The following ADK variants were observed in gnomAD, a reference collection of about 807,000 sequenced individuals.
The protein encoded by ADK is N6,N6-dimethyladenosine kinase.
Under a neutral mutation model 44.7 loss-of-function variants are expected in ADK, and 24 were observed. That is an observed-to-expected ratio of 0.54 (90% CI 0.39 to 0.76). The LOEUF is 0.76. ADK is among the 30% of genes least tolerant of loss of function. The pLI, the probability that ADK is intolerant of heterozygous loss-of-function variation, is 0.00. For synonymous variants in ADK, 128 were observed against 142.6 expected (o/e 0.90, Z 0.73); for missense variants, 321 against 425.1 (o/e 0.76, Z 2.15).
chr10:74,247,821 T>C (rs1276653104), intron 3 of ADK, among the ~76,000 whole-genome samples: 1 of 152,162 alleles, frequency 6.6e-6, no homozygotes, highest in Non-Finnish European at 1.5e-5. Context: ...TTACTGTCTT[T>C]TTTCCTTTTT....
At chr10:74,565,903 T>G (rs1476822676) in intron 7 of ADK, among the ~76,000 whole-genome samples, 4 of 152,128 alleles carry the variant, frequency 2.6e-5, no homozygotes, top group Non-Finnish European at 5.9e-5. Flanking sequence ...GACAAAATTG[T>G]TATCTTGAGA....
chr10:74,353,316 C>A (rs1227637663), intron 4 of ADK, among the ~76,000 whole-genome samples: 1 of 151,990 alleles, frequency 6.6e-6, no homozygotes, highest in Non-Finnish European at 1.5e-5. Flanking sequence ...AACAGAAAAC[C>A]AAACACCACA....
intron 4 of ADK, among the ~76,000 whole-genome samples, chr10:74,326,807 G>T (rs1205389637): frequency 6.6e-6 from 1 of 151,772 alleles, no homozygotes; most frequent in Non-Finnish European, 1.5e-5. Flanking sequence ...ATTTCTTCTA[G>T]GTTTTCTAGT....
intron 7 of ADK, chr10:74,551,510 A>T (rs1404045870): frequency 1.3e-5 from 2 of 152,262 alleles, no homozygotes; most frequent in East Asian, 3.8e-4. Flanking sequence ...ACAATTTTTC[A>T]GGAAAAATAA....
chr10:74,430,917 A>G (rs1276739412), intron 6 of ADK, among the ~76,000 whole-genome samples: 3 of 152,044 alleles, frequency 2.0e-5, no homozygotes, highest in Admixed American at 6.6e-5. Context: ...AGCCAGGTCT[A>G]TAAGATGTGG....
intron 7 of ADK, among the ~76,000 whole-genome samples, chr10:74,553,205 T>TTG (rs1564788635): frequency 7.8e-6 from 1 of 128,222 alleles, no homozygotes; most frequent in Non-Finnish European, 1.6e-5. Context: ...TTTTTTTTTT[T>TTG]TTTTTTTTTT....
intron 6 of ADK, among the ~76,000 whole-genome samples, chr10:74,473,911 T>C (rs1213959117): frequency 6.6e-6 from 1 of 152,122 alleles, no homozygotes; most frequent in Non-Finnish European, 1.5e-5. Context: ...TTAATAAATA[T>C]TAGTGGAGAG....
chr10:74,655,180 C>A, intron 9 of ADK: 1 of 306,812 alleles, frequency 3.3e-6, no homozygotes, highest in South Asian at 3.5e-5. Context: ...GAAGAAGTAA[C>A]CGTCAAGAAG....
Position 74,186,692 on chromosome 10 carries a change from C to G in ADK, c.66-14072C>G, listed in dbSNP as rs903033272. On this transcript the variant is annotated intron_variant, in intron 1 of 10. Transcript: ENST00000539909. ...ACTATAGATGTTAGTTCTGCCTGTT[C>G]TAGAACTTCACATAAATGGAATCAT... Among the ~76,000 whole-genome samples the G allele has an allele frequency of 3.3e-5, 5 of 152,162 alleles. No individual in the cohort carries two copies. The East Asian group carries it at 9.6e-4, about 29-fold the overall frequency.
chr10:74,506,096 A>G (rs1480717738), intron 6 of ADK: 2 of 152,316 alleles, frequency 1.3e-5, no homozygotes, highest in Non-Finnish European at 2.9e-5. Context: ...TTAAGTTGTC[A>G]TATAATGACT....
chr10:74,618,686 T>C (rs1358075682), intron 9 of ADK, among the ~76,000 whole-genome samples: 1 of 152,204 alleles, frequency 6.6e-6, no homozygotes, highest in Non-Finnish European at 1.5e-5. Context: ...TCTTTATAAA[T>C]GGCTTTCCAT....
chr10:74,480,151 A>G (rs756764025), intron 6 of ADK, among the ~76,000 whole-genome samples: 42 of 151,526 alleles, frequency 2.8e-4, no homozygotes, highest in Non-Finnish European at 4.4e-4. Flanking sequence ...CTTGGAAATA[A>G]TGTTCTAGTT....
intron 6 of ADK, among the ~76,000 whole-genome samples, chr10:74,424,763 T>C (rs1226222749): frequency 2.0e-5 from 3 of 152,244 alleles, no homozygotes; most frequent in Admixed American, 1.3e-4. Context: ...TATCTTCCGA[T>C]ATTGGTAATT....
intron 1 of ADK, among the ~76,000 whole-genome samples, chr10:74,177,196 C>T (rs1033582331): frequency 1.3e-5 from 2 of 150,676 alleles, no homozygotes; most frequent in Non-Finnish European, 2.9e-5. Context: ...CACCCGCGCC[C>T]CCGGGGGCGG....
chr10:74,704,003 C>A (rs571192962), intron 10 of ADK, among the ~76,000 whole-genome samples: 2 of 152,248 alleles, frequency 1.3e-5, no homozygotes, highest in South Asian at 4.1e-4. Context: ...AAATAAAATA[C>A]ATTTTAAGCA....
At chr10:74,364,952 CT>C (rs1842454387) in intron 4 of ADK, among the ~76,000 whole-genome samples, 1 of 152,096 alleles carries the variant, frequency 6.6e-6, no homozygotes, top group Non-Finnish European at 1.5e-5. Flanking sequence ...CAATTTTCCT[CT>C]GTTCTCCGTA....
chr10:74,236,171 G>C (rs1844952950), intron 3 of ADK, among the ~76,000 whole-genome samples: 1 of 152,154 alleles, frequency 6.6e-6, no homozygotes, highest in African/African-American at 2.4e-5. Context: ...CAGACATAAT[G>C]TAAGCTCAAT....
chr10:74,404,551 T>C (rs573008397), intron 6 of ADK, among the ~76,000 whole-genome samples: 1 of 152,216 alleles, frequency 6.6e-6, no homozygotes, highest in Non-Finnish European at 1.5e-5. Flanking sequence ...AGATATATAG[T>C]TCTAGTTTGA....
intron 7 of ADK, among the ~76,000 whole-genome samples, chr10:74,538,853 T>G (rs377591275): frequency 2.6e-4 from 39 of 152,316 alleles, no homozygotes; most frequent in African/African-American, 9.4e-4. Flanking sequence ...TTCTTTAAAT[T>G]GTAAATAACT....
Sources: allele counts gnomAD v4.1 joint callset (sites outside exome capture counted in the v4.1 genomes callset), GRCh38; gene constraint gnomAD v4.1.1; transcripts MANE v1.5; gene names NCBI Gene and HGNC (gene_info 2026-07-23, HGNC 2026-07-21).